The following CHD1 variants were observed in gnomAD, a reference collection of about 807,000 sequenced individuals.
The protein encoded by CHD1 is ATP-dependent chromatin remodeler CHD1.
In CHD1, 36 loss-of-function variants were observed where a neutral mutation model predicts 224.2. That is an observed-to-expected ratio of 0.16 (90% CI 0.12 to 0.21). The LOEUF is 0.21. Among genes scored for constraint, CHD1 ranks in the 10% least tolerant of loss-of-function variants. The pLI is 1.00. For missense variants in CHD1, 1,378 were observed against 1,994.8 expected (o/e 0.69, Z 5.89); for synonymous variants, 668 against 658.3 (o/e 1.01, Z -0.23).
intron 2 of CHD1, 59 bp from the exon 3 acceptor site, chr5:98,905,157 G>C: frequency 3.1e-6 from 5 of 1,593,234 alleles, no homozygotes; most frequent in Non-Finnish European, 4.3e-6. Context: ...ATTTTTCTTA[G>C]ACGTCAGCAG....
intron 15 of CHD1, 120 bp downstream of exon 15, chr5:98,892,405 C>G (rs376857831): frequency 1.6e-6 from 1 of 612,552 alleles, no homozygotes; most frequent in Non-Finnish European, 2.7e-6. Context: ...TTCTGAAACT[C>G]GAGAATTGCA....
intron 20 of CHD1, 53 bp downstream of exon 20, chr5:98,881,922 A>T: frequency 1.3e-6 from 2 of 1,495,308 alleles, no homozygotes; most frequent in Non-Finnish European, 1.8e-6. Flanking sequence ...ACATATCAAA[A>T]ATATGAGTTT....
At position 98,876,468 on chromosome 5, in the gene CHD1, T is replaced by C. The variant is rs1324620276; in HGVS notation, c.3328A>G (p.Lys1110Glu). The C allele has an allele frequency of 1.2e-6, 2 of 1,614,038 alleles. No individual in the cohort carries two copies. Among genetic ancestry groups the C allele is most frequent in the Admixed American group, 1.7e-5 (1 of 60,010 alleles). The part of the protein sequence containing the change: ...SDSISEGKRP[K>E]KRGRPRTIPR... ...ATAGTCCGTGGTCTTCCACGTTTCT[T>C]TGGCCTTTTCCCTTCTGAGATGGAA... Residue 1110 changes from lysine (K) to glutamate (E), a missense_variant, in exon 24 of 36, where the codon AAG (lysine) becomes GAG (glutamate). By Grantham distance (56) the Lys-to-Glu change is moderately conservative. Around this residue, in one of 16 missense-constraint regions of CHD1, gnomAD observed 286 missense variants for 445.1 expected, o/e 0.64. Transcript: ENST00000614616.
At chr5:98,920,234 C>T (rs1231508543) in intron 2 of CHD1, among the ~76,000 whole-genome samples, 1 of 152,016 alleles carries the variant, frequency 6.6e-6, no homozygotes, top group Admixed American at 6.6e-5. Flanking sequence ...TGTAAATACT[C>T]CCCCCACCAG....
At chr5:98,873,797 T>C in intron 25 of CHD1, 74 bp from the exon 26 acceptor site, 2 of 1,369,686 alleles carry the variant, frequency 1.5e-6, no homozygotes, top group Non-Finnish European at 2.0e-6. Context: ...AGTTTCACTC[T>C]ATTTCAAGAT....
intron 4 of CHD1, 133 bp downstream of exon 4, chr5:98,903,659 T>C: frequency 1.4e-6 from 1 of 732,390 alleles, no homozygotes; most frequent in Non-Finnish European, 2.4e-6. Flanking sequence ...TCAAGATTCT[T>C]GATATATACA....
intron 29 of CHD1, 42 bp from the exon 30 acceptor site, chr5:98,869,924 C>A: frequency 6.7e-7 from 1 of 1,482,246 alleles, no homozygotes; most frequent in Non-Finnish European, 9.3e-7. Flanking sequence ...CTACAGATTT[C>A]ATTTTTAAAA....
chr5:98,871,924 A>T, intron 28 of CHD1, 127 bp downstream of exon 28: 1 of 742,256 alleles, frequency 1.3e-6, no homozygotes, highest in Non-Finnish European at 2.1e-6. Context: ...TAAACGCACC[A>T]AGGTCACACA....
At chr5:98,927,566 G>A (rs1271862504) in intron 1 of CHD1, among the ~76,000 whole-genome samples, 2 of 152,230 alleles carry the variant, frequency 1.3e-5, no homozygotes, top group Non-Finnish European at 2.9e-5. Context: ...CTGTCCAGTA[G>A]ACTCTGCAAG....
chr5:98,928,058 C>G (rs1753598581), intron 1 of CHD1, among the ~76,000 whole-genome samples: 1 of 152,164 alleles, frequency 6.6e-6, no homozygotes, highest in Non-Finnish European at 1.5e-5. Context: ...TCCAATCAGC[C>G]TCCCTCGCGG....
At chr5:98,914,245 T>C (rs921775238) in intron 2 of CHD1, among the ~76,000 whole-genome samples, 5 of 152,196 alleles carry the variant, frequency 3.3e-5, no homozygotes, top group Non-Finnish European at 5.9e-5. Context: ...CAACCACTAG[T>C]ATTGGAAGCC....
intron 10 of CHD1, 34 bp downstream of exon 10, chr5:98,898,222 T>C (rs940750798): frequency 1.7e-6 from 2 of 1,171,514 alleles, no homozygotes; most frequent in African/African-American, 1.6e-5. Flanking sequence ...TATAAATATA[T>C]TTTTAATAAT....
chr5:98,881,188 A>G lies in CHD1; in HGVS notation c.2965-17T>C. 1 of 1,511,690 alleles carries G rather than the reference A, an allele frequency of 6.6e-7. No homozygotes were observed. Among genetic ancestry groups the G allele is most frequent in the South Asian group, 1.2e-5 (1 of 83,616 alleles). The allele number at this position is 1,511,690 out of a possible 1,614,324, so 93.6% of individuals were successfully genotyped here. Reference sequence around the variant, plus strand: ...ATCCATTTCCTATAATTAAAAAGACAATATTTAAATATACTTGAATCCTTT... The same window carrying G: ...ATCCATTTCCTATAATTAAAAAGACGATATTTAAATATACTTGAATCCTTT... On this transcript the variant is annotated splice_polypyrimidine_tract_variant and intron_variant, in intron 21 of 35. Transcript: ENST00000614616.
At chr5:98,882,418 T>TG (rs34271103) in intron 19 of CHD1, among the ~76,000 whole-genome samples, 11,692 of 132,946 alleles carry the variant, frequency 0.088, 581 homozygotes, top group Non-Finnish European at 0.12. Flanking sequence ...CTGGGGAAAA[T>TG]GGGGGGGGGG....
chr5:98,901,548 G>C (rs954765631), intron 5 of CHD1, among the ~76,000 whole-genome samples: 3 of 151,862 alleles, frequency 2.0e-5, no homozygotes, highest in Non-Finnish European at 2.9e-5. Context: ...TAATCACTTA[G>C]TTATACGTCA....
chr5:98,920,464 T>C (rs1052026413), intron 2 of CHD1, among the ~76,000 whole-genome samples: 12 of 152,190 alleles, frequency 7.9e-5, no homozygotes, highest in Non-Finnish European at 1.3e-4. Flanking sequence ...CTTTGTGGTA[T>C]TCTTTCTAAA....
intron 17 of CHD1, among the ~76,000 whole-genome samples, chr5:98,887,206 G>A (rs1016945620): frequency 3.9e-5 from 6 of 152,010 alleles, no homozygotes; most frequent in Admixed American, 2.0e-4. Context: ...ACTCTTCTAC[G>A]TTTTCCCCTA....
In CHD1 at chr5:98,898,172, G is replaced by C. The variant is rs541413457; in HGVS notation, c.1365+84C>G. ...TCTCCCTTAGTCTATCTGAAATCAGGATCCAACTCTTGTATTTAGGCTTGT... is the reference window on the plus strand; with the variant it reads ...TCTCCCTTAGTCTATCTGAAATCAGCATCCAACTCTTGTATTTAGGCTTGT... On this transcript the variant is annotated intron_variant, in intron 10 of 35. Transcript: ENST00000614616. 8.5e-5 allele frequency: 63 copies of C among 738,226 alleles called. 1 individual carries two copies. The highest frequency in any genetic ancestry group is 4.1e-4 in the Admixed American group (10 of 24,264). The allele number at this position is 738,226 out of a possible 1,614,324, so 45.7% of individuals were successfully genotyped here.
In CHD1 at chr5:98,854,349, CAATAT is replaced by C. The variant is rs1554071801; in HGVS notation, c.*2026_*2030del. On this transcript the variant is annotated 3_prime_UTR_variant, in exon 36 of 36. Transcript: ENST00000614616. The stretch of plus-strand genomic sequence containing the variant: ...GCAACATTGTTCTGTGAAATTTGCA[CAATAT>C]AATGCAAATATCTTAGCTTTTAGTA... 4 of 151,500 alleles carry C rather than the reference CAATAT, an allele frequency of 2.6e-5. No homozygotes were observed. Among genetic ancestry groups the C allele is most frequent in the African/African-American group, 9.7e-5 (4 of 41,114 alleles). The allele number at this position is 151,500 out of a possible 1,614,324, so 9.4% of individuals were successfully genotyped here. A position where few individuals can be genotyped will look rare whatever the true frequency, so the allele number is the denominator to read the frequency against.
Sources: gnomAD v4.1 joint callset for allele counts (sites outside exome capture counted in the v4.1 genomes callset) on GRCh38, gnomAD v4.1.1 for gene constraint, gnomAD v4.1.1 regional missense constraint, MANE v1.5 for transcripts, NCBI Gene and HGNC (gene_info 2026-07-23, HGNC 2026-07-21) for gene names.